The following TMEM132B variants were observed in gnomAD, a reference collection of about 807,000 sequenced individuals.
The protein encoded by TMEM132B is transmembrane protein 132B.
Under a neutral mutation model 90.8 loss-of-function variants are expected in TMEM132B, and 18 were observed. The observed-to-expected ratio is 0.20, with a 90% CI of 0.14 to 0.29. The LOEUF is 0.29. Among genes scored for constraint, TMEM132B ranks in the 10% least tolerant of loss-of-function variants. The probability of loss-of-function intolerance (pLI) is 1.00; values close to 1 mark genes in which losing one functional copy is unlikely to be tolerated. For missense variants in TMEM132B, 1,096 were observed against 1,326.8 expected (o/e 0.83, Z 2.70); for synonymous variants, 504 against 523.3 (o/e 0.96, Z 0.50).
intron 4 of TMEM132B, among the ~76,000 whole-genome samples, chr12:125,535,988 A>T (rs1452717216): frequency 6.6e-6 from 1 of 152,190 alleles, no homozygotes; most frequent in Non-Finnish European, 1.5e-5. Flanking sequence ...GGCTGTTAAG[A>T]ATTCCCCCAT....
intron 3 of TMEM132B, among the ~76,000 whole-genome samples, chr12:125,465,239 A>G (rs1179811408): frequency 6.6e-6 from 1 of 152,180 alleles, no homozygotes; most frequent in Non-Finnish European, 1.5e-5. Context: ...CCTCTCAATG[A>G]TCAGAAATTA....
At chr12:125,441,011 G>T (rs1276069755) in intron 3 of TMEM132B, among the ~76,000 whole-genome samples, 1 of 152,176 alleles carries the variant, frequency 6.6e-6, no homozygotes, top group Non-Finnish European at 1.5e-5. Context: ...TTTTCTTCTG[G>T]CAGAGAAGCA....
At chr12:125,355,057 A>G (rs1877723139) in intron 2 of TMEM132B, among the ~76,000 whole-genome samples, 1 of 151,716 alleles carries the variant, frequency 6.6e-6, no homozygotes, top group Non-Finnish European at 1.5e-5. Context: ...CCACTTTAAA[A>G]CACTCTTCTG....
intron 2 of TMEM132B, among the ~76,000 whole-genome samples, chr12:125,366,324 T>C (rs937246894): frequency 6.6e-6 from 1 of 152,194 alleles, no homozygotes; most frequent in Non-Finnish European, 1.5e-5. Context: ...CTGTGAATAG[T>C]GCTGCAGTAA....
At chr12:125,365,885 C>T (rs1484009340) in intron 2 of TMEM132B, among the ~76,000 whole-genome samples, 1 of 152,058 alleles carries the variant, frequency 6.6e-6, no homozygotes, top group African/African-American at 2.4e-5. Flanking sequence ...TTCTTCTCTT[C>T]TAGCTATTTG....
chr12:125,189,751 G>A (rs574976417), intron 1 of TMEM132B, among the ~76,000 whole-genome samples: 2 of 152,220 alleles, frequency 1.3e-5, no homozygotes, highest in Middle Eastern at 6.8e-3. Context: ...CAATGAGCAC[G>A]GTGGTTGCCT....
At chr12:125,527,212 ATCCATCCACCCATCCACCCT>A (rs1265463058) in intron 4 of TMEM132B, among the ~76,000 whole-genome samples, 1 of 96,756 alleles carries the variant, frequency 1.0e-5, no homozygotes, top group South Asian at 3.8e-4. Context: ...CCTTCCATCC[ATCCATCCACCCATCCACCCT>A]TCCATCCACC....
At chr12:125,642,912 A>G (rs1411827967) in intron 5 of TMEM132B, among the ~76,000 whole-genome samples, 2 of 152,074 alleles carry the variant, frequency 1.3e-5, no homozygotes, top group Non-Finnish European at 2.9e-5. Context: ...TTCATTTCCA[A>G]GGAAGCACAT....
intron 3 of TMEM132B, among the ~76,000 whole-genome samples, chr12:125,515,487 TCA>T (rs1317410800): frequency 6.6e-5 from 6 of 90,524 alleles, no homozygotes; most frequent in Non-Finnish European, 9.0e-5. Context: ...ATTGTCACAC[TCA>T]CACACATACA....
intron 1 of TMEM132B, among the ~76,000 whole-genome samples, chr12:125,243,022 TATATATATATACAC>T (rs1289154803): frequency 7.1e-6 from 1 of 141,634 alleles, no homozygotes; most frequent in African/African-American, 2.7e-5. Context: ...TATATATATA[TATATATATATACAC>T]ACACACACAC....
chr12:125,403,667 C>CT (rs1018203386), intron 2 of TMEM132B, among the ~76,000 whole-genome samples: 2 of 152,142 alleles, frequency 1.3e-5, no homozygotes, highest in Non-Finnish European at 2.9e-5. Context: ...AATTGTATAA[C>CT]TTGTGTTTAA....
At chr12:125,187,171 C>A (rs928651335) in intron 1 of TMEM132B, among the ~76,000 whole-genome samples, 2 of 152,174 alleles carry the variant, frequency 1.3e-5, no homozygotes, top group Non-Finnish European at 2.9e-5. Flanking sequence ...GGAATCGAGC[C>A]CCCTCCCCGC....
chr12:125,615,071 A>C (rs78129237), intron 5 of TMEM132B, among the ~76,000 whole-genome samples: 4,257 of 152,034 alleles, frequency 0.028, 227 homozygotes, highest in African/African-American at 0.097. Flanking sequence ...ATACAAGATG[A>C]GTCATTTTTC....
intron 1 of TMEM132B, among the ~76,000 whole-genome samples, chr12:125,257,209 G>A (rs760595288): frequency 6.6e-6 from 1 of 152,146 alleles, no homozygotes; most frequent in Non-Finnish European, 1.5e-5. Flanking sequence ...GGGAGGTGAA[G>A]GTGGGAGGAT....
chr12:125,645,051 A>C (rs1886726324), intron 6 of TMEM132B, among the ~76,000 whole-genome samples: 1 of 135,154 alleles, frequency 7.4e-6, no homozygotes, highest in Non-Finnish European at 1.6e-5. Context: ...GCCTGTCTCT[A>C]CTAAAAATCC....
At chr12:125,286,024 C>T (rs1875344891) in intron 1 of TMEM132B, among the ~76,000 whole-genome samples, 1 of 152,224 alleles carries the variant, frequency 6.6e-6, no homozygotes, top group Admixed American at 6.5e-5. Flanking sequence ...CAACCATGCT[C>T]AATTCCCCAT....
At chr12:125,288,167 C>T (rs1875417495) in intron 1 of TMEM132B, among the ~76,000 whole-genome samples, 1 of 151,692 alleles carries the variant, frequency 6.6e-6, no homozygotes, top group Admixed American at 6.6e-5. Flanking sequence ...AGCCACTGCA[C>T]CCGGCCTCTT....
chr12:125,619,345 TTTATTTA>T, intron 5 of TMEM132B, among the ~76,000 whole-genome samples: 1 of 70,530 alleles, frequency 1.4e-5, no homozygotes, highest in South Asian at 4.3e-4. Context: ...TATTTATTTA[TTTATTTA>T]TTTATTTATT....
chr12:125,603,753 G>GA lies in TMEM132B; in HGVS notation c.1437+19766dup, dbSNP rs1451497440. Reference sequence around the variant, plus strand: ...CTTCAGAACTTAATCAAATTTACAAGAAAAAAACAACCCTATTGAAAAGTG... The same window carrying GA: ...CTTCAGAACTTAATCAAATTTACAAGAAAAAAAACAACCCTATTGAAAAGTG... On this transcript the variant is annotated intron_variant, in intron 5 of 8. Transcript: ENST00000682704. 3.9e-5 allele frequency among the ~76,000 whole-genome samples: 6 copies of GA among 151,924 alleles called. No individual in the cohort carries two copies. The East Asian group carries it at 5.8e-4, about 15-fold the overall frequency.
Sources: gnomAD v4.1 joint callset for allele counts (sites outside exome capture counted in the v4.1 genomes callset) on GRCh38, gnomAD v4.1.1 for gene constraint, MANE v1.5 for transcripts, NCBI Gene and HGNC (gene_info 2026-07-23, HGNC 2026-07-21) for gene names.